YJU2: variants seen among roughly 807,000 people sequenced by gnomAD.
YJU2 encodes splicing factor YJU2.
Under a neutral mutation model 39.6 loss-of-function variants are expected in YJU2, and 28 were observed. That is an observed-to-expected ratio of 0.71 (90% CI 0.52 to 0.97). The LOEUF is 0.97. Among genes scored for constraint, YJU2 ranks in the 50% least tolerant of loss-of-function variants. YJU2 has a pLI of 0.00. For synonymous variants in YJU2, 184 were observed against 182.4 expected (o/e 1.01, Z -0.07); for missense variants, 328 against 430.4 (o/e 0.76, Z 2.11).
chr19:4,257,744 G>A (rs1041686347), intron 4 of YJU2, among the ~76,000 whole-genome samples: 3 of 152,132 alleles, frequency 2.0e-5, no homozygotes, highest in Admixed American at 2.0e-4. Flanking sequence ...AAAGTGCTGG[G>A]ATTACAGGCG....
rs1568359664 is a variant in YJU2 at position 4,247,645 on chromosome 19, GTGTGTGTGTGTGTGTGTGTGT to G, written c.24+476_24+496del. Among the ~76,000 whole-genome samples the G allele has an allele frequency of 5.8e-3, 390 of 67,678 alleles. 25 individuals are homozygous for G. The highest frequency in any genetic ancestry group is 8.0e-3 in the Non-Finnish European group (289 of 35,936). 44.4% of individuals were successfully genotyped at this position (67,678 alleles called of 152,430 possible). On this transcript the variant is annotated intron_variant, in intron 1 of 7. Coordinates refer to ENST00000262962, the MANE Select transcript of YJU2 (RefSeq NM_018074.6). ...TGTGTGTGTGTGTGTGTGTGTGTGT[GTGTGTGTGTGTGTGTGTGTGT>G]GTGTGTGTGTGTGTGTGTGTGTGTG...
In YJU2 at chr19:4,262,127, C is replaced by G; in HGVS notation, c.708+13C>G. The G allele has an allele frequency of 6.3e-7, 1 of 1,599,722 alleles. No homozygotes were observed. The highest frequency in any genetic ancestry group is 8.5e-7 in the Non-Finnish European group (1 of 1,174,184). On this transcript the variant is annotated intron_variant, in intron 6 of 7. Coordinates refer to ENST00000262962, the MANE Select transcript of YJU2 (RefSeq NM_018074.6). ...CATCCTGGATGAGGTAAGTGGGGTGCCTGAGTCCTGGGGGCTCCCAGGTGA... is the reference window on the plus strand; with the variant it reads ...CATCCTGGATGAGGTAAGTGGGGTGGCTGAGTCCTGGGGGCTCCCAGGTGA...
chr19:4,251,249 C>G, intron 3 of YJU2, 78 bp downstream of exon 3: 1 of 1,289,430 alleles, frequency 7.8e-7, no homozygotes, highest in Non-Finnish European at 1.1e-6. Flanking sequence ...GGTTCCTTAA[C>G]TCCAATCCTC....
At chr19:4,249,126 C>A in intron 1 of YJU2, 102 bp from the exon 2 acceptor site, 1 of 758,620 alleles carries the variant, frequency 1.3e-6, no homozygotes, top group East Asian at 2.7e-5. Context: ...CTGGGGTGGG[C>A]TTGGGGACCC....
chr19:4,263,799 G>A, intron 6 of YJU2, among the ~76,000 whole-genome samples: 1 of 126,170 alleles, frequency 7.9e-6, no homozygotes. Context: ...AACAGAGTGA[G>A]ACTCTATCTC....
intron 4 of YJU2, among the ~76,000 whole-genome samples, chr19:4,256,239 C>G (rs996640183): frequency 6.7e-6 from 1 of 148,662 alleles, no homozygotes; most frequent in African/African-American, 2.5e-5. Context: ...TATACATACA[C>G]ATATATATAT....
At chr19:4,256,796 G>A (rs1241168479) in intron 4 of YJU2, among the ~76,000 whole-genome samples, 1 of 152,142 alleles carries the variant, frequency 6.6e-6, no homozygotes, top group Non-Finnish European at 1.5e-5. Flanking sequence ...GCTGTGTGGG[G>A]AGCTGCTTGA....
intron 1 of YJU2, among the ~76,000 whole-genome samples, chr19:4,247,695 G>GTGTT (rs1568359733): frequency 3.6e-5 from 5 of 139,698 alleles, no homozygotes; most frequent in African/African-American, 1.3e-4. Flanking sequence ...GTGTGTGTGT[G>GTGTT]TGTTTTGTTT....
chr19:4,249,563 G>A (rs1970958931), intron 2 of YJU2, among the ~76,000 whole-genome samples: 1 of 152,016 alleles, frequency 6.6e-6, no homozygotes, highest in African/African-American at 2.4e-5. Context: ...TAGTAAACGT[G>A]TGTGCAGAGA....
At chr19:4,265,817 T>G (rs548960274) in intron 6 of YJU2, among the ~76,000 whole-genome samples, 2 of 152,050 alleles carry the variant, frequency 1.3e-5, no homozygotes, top group Non-Finnish European at 2.9e-5. Context: ...CAGGCTGGTC[T>G]CGAACTCTTG....
Position 4,262,050 on chromosome 19 carries a change from A to T in YJU2, c.644A>T (p.Asp215Val). The T allele has an allele frequency of 6.2e-7, 1 of 1,613,106 alleles. No homozygotes were observed. The highest frequency in any genetic ancestry group is 8.5e-7 in the Non-Finnish European group (1 of 1,179,932). Reference protein sequence around the residue: ...RRLLEDSDSEDEAAPSPLQPA... With the variant: ...RRLLEDSDSEVEAAPSPLQPA... The stretch of plus-strand genomic sequence containing the variant: ...CTGCTGGAGGACTCCGACTCAGAGG[A>T]TGAGGCTGCTCCCTCGCCCCTGCAG... The change falls in exon 6 of 8, where the codon GAT (aspartate) becomes GTT (valine). Residue 215 changes from aspartate (D) to valine (V), a missense_variant. Physicochemically the swap from Asp to Val is radical, Grantham distance 152. Coordinates refer to ENST00000262962, the MANE Select transcript of YJU2 (RefSeq NM_018074.6).
intron 6 of YJU2, among the ~76,000 whole-genome samples, chr19:4,267,232 C>A (rs1257424877): frequency 6.6e-6 from 1 of 151,998 alleles, no homozygotes; most frequent in South Asian, 2.1e-4. Context: ...GGACATGCAG[C>A]CTGCATGTGA....
intron 6 of YJU2, among the ~76,000 whole-genome samples, chr19:4,265,436 T>G (rs972018951): frequency 1.3e-5 from 2 of 151,510 alleles, no homozygotes; most frequent in African/African-American, 2.4e-5. Flanking sequence ...TTAATTTTCT[T>G]TTCTTTTTTT....
chr19:4,263,962 C>T (rs906330101), intron 6 of YJU2, among the ~76,000 whole-genome samples: 18 of 151,666 alleles, frequency 1.2e-4, no homozygotes, highest in African/African-American at 4.1e-4. Context: ...AACACAGACA[C>T]ACAGAAACGA....
chr19:4,250,758 G>A (rs1468619517), intron 2 of YJU2, among the ~76,000 whole-genome samples: 1 of 152,108 alleles, frequency 6.6e-6, no homozygotes, highest in Admixed American at 6.6e-5. Flanking sequence ...GATTGCTTCT[G>A]GGAGTGCATG....
chr19:4,262,867 G>C (rs61231411), intron 6 of YJU2, among the ~76,000 whole-genome samples: 21,068 of 151,904 alleles, frequency 0.14, 1,573 homozygotes, highest in Non-Finnish European at 0.16. Context: ...GCATCAGTAT[G>C]ACCGAACTCC....
intron 1 of YJU2, among the ~76,000 whole-genome samples, chr19:4,248,576 G>A (rs895387207): frequency 6.6e-6 from 1 of 152,086 alleles, no homozygotes; most frequent in Non-Finnish European, 1.5e-5. Flanking sequence ...GGGACTCCTC[G>A]GGGAACTCGG....
In YJU2 at chr19:4,251,476, G is replaced by A. The variant is rs143975857; in HGVS notation, c.270+305G>A. 1.6e-3 allele frequency among the ~76,000 whole-genome samples: 241 copies of A among 152,248 alleles called. No individual in the cohort carries two copies. In the Middle Eastern group the frequency reaches 0.027, roughly 17 times the overall value. On this transcript the variant is annotated intron_variant, in intron 3 of 7. Coordinates refer to ENST00000262962, the MANE Select transcript of YJU2 (RefSeq NM_018074.6). The stretch of plus-strand genomic sequence containing the variant: ...GGCCAAGGCGGGCAGATCACCTGAG[G>A]TCAGAAGTTCAAGACCACCCTAGCC...
chr19:4,249,080 C>T, intron 1 of YJU2, 148 bp from the exon 2 acceptor site: 1 of 608,540 alleles, frequency 1.6e-6, no homozygotes, highest in South Asian at 1.9e-5. Context: ...TCTGACTGTA[C>T]TGAGTCCTGC....
Sources: gnomAD v4.1 joint callset for allele counts (sites outside exome capture counted in the v4.1 genomes callset) on GRCh38, gnomAD v4.1.1 for gene constraint, MANE v1.5 for transcripts, NCBI Gene and HGNC (gene_info 2026-07-23, HGNC 2026-07-21) for gene names.